RUFY2: variants seen among roughly 807,000 people sequenced by gnomAD.
RUFY2 encodes RUN and FYVE domain-containing protein 2.
A neutral mutation model predicts 94.4 loss-of-function variants in RUFY2; 49 were observed. The observed-to-expected ratio is 0.52, with a 90% confidence interval of 0.41 to 0.66. The LOEUF (loss-of-function observed/expected upper bound fraction) is 0.66. Ranked by LOEUF, RUFY2 falls within the 30% of genes least tolerant of loss-of-function variation. The pLI is 0.00. For synonymous variants in RUFY2, 255 were observed against 235.7 expected (o/e 1.08, Z -0.75); for missense variants, 541 against 692.8 (o/e 0.78, Z 2.46).
At chr10:68,370,452 T>TC (rs1368579318) in intron 13 of RUFY2, among the ~76,000 whole-genome samples, 2 of 143,642 alleles carry the variant, frequency 1.4e-5, no homozygotes, top group South Asian at 2.2e-4. Flanking sequence ...TTTTTTCTTT[T>TC]TTTTTTTTTT....
In RUFY2 at chr10:68,352,915, A is replaced by G. The variant is rs2046786970; in HGVS notation, c.1599+2438T>C. On this transcript the variant is annotated intron_variant, in intron 16 of 17. Transcript: ENST00000602465. ...AGCCTGGGCAACAGAGGGAGACTCCATCTCAAAAAAAAAAGAGGGGGCAAT... is the reference window on the plus strand; with the variant it reads ...AGCCTGGGCAACAGAGGGAGACTCCGTCTCAAAAAAAAAAGAGGGGGCAAT... 3.3e-5 allele frequency among the ~76,000 whole-genome samples: 5 copies of G among 151,028 alleles called. No homozygotes were observed. In the South Asian group the frequency reaches 6.3e-4, roughly 19 times the overall value.
At chr10:68,407,163 C>T in intron 1 of RUFY2, 23 bp downstream of exon 1, 1 of 1,461,646 alleles carries the variant, frequency 6.8e-7, no homozygotes. Flanking sequence ...GCCTAGCGTT[C>T]GGTTTCGGCC....
intron 15 of RUFY2, among the ~76,000 whole-genome samples, chr10:68,360,426 GTCTC>G (rs776338663): frequency 1.3e-3 from 195 of 151,776 alleles, no homozygotes; most frequent in Non-Finnish European, 6.2e-4. Flanking sequence ...GTGAGACTCT[GTCTC>G]TATTTAATTT....
At chr10:68,404,646 T>C (rs1453858379) in intron 2 of RUFY2, 25 bp downstream of exon 2, 1 of 1,476,086 alleles carries the variant, frequency 6.8e-7, no homozygotes, top group Admixed American at 2.4e-5. Flanking sequence ...CTAAAATGAA[T>C]TAATTTTTTA....
chr10:68,379,178 GAAACTGCT>G (rs76198388), intron 12 of RUFY2: 43,786 of 378,030 alleles, frequency 0.12, 2,946 homozygotes, highest in South Asian at 0.25. Context: ...TGAACGACAT[GAAACTGCT>G]GATATTAGGC....
intron 2 of RUFY2, among the ~76,000 whole-genome samples, chr10:68,404,336 C>T (rs1381908464): frequency 2.6e-5 from 4 of 151,876 alleles, no homozygotes; most frequent in Admixed American, 6.6e-5. Context: ...CAACAGGGTT[C>T]GAACTATTAA....
intron 8 of RUFY2, among the ~76,000 whole-genome samples, chr10:68,384,487 TAG>T (rs2049331965): frequency 6.6e-6 from 1 of 152,108 alleles, no homozygotes; most frequent in Admixed American, 6.6e-5. Flanking sequence ...AGTAAACAAA[TAG>T]AGAAATATGC....
At chr10:68,341,972 C>G, downstream of RUFY2, 1 of 1,613,498 alleles carries the variant, frequency 6.2e-7, no homozygotes, top group Non-Finnish European at 8.5e-7. Flanking sequence ...ATATCTTTTT[C>G]TTAAGGCCGT....
intron 7 of RUFY2, among the ~76,000 whole-genome samples, chr10:68,387,615 C>T (rs1419884232): frequency 6.6e-6 from 1 of 152,134 alleles, no homozygotes; most frequent in Admixed American, 6.6e-5. Context: ...ACAAATAGCA[C>T]CAGGATGTCC....
At chr10:68,341,933 T>C, downstream of RUFY2, 3 of 1,600,568 alleles carry the variant, frequency 1.9e-6, no homozygotes, top group Non-Finnish European at 2.6e-6. Context: ...TATTATTTTA[T>C]GCAGATATCT....
chr10:68,359,946 C>T (rs2047344957), intron 15 of RUFY2, among the ~76,000 whole-genome samples: 1 of 152,062 alleles, frequency 6.6e-6, no homozygotes, highest in Admixed American at 6.5e-5. Flanking sequence ...CTGTCTCAGC[C>T]TCCGAAGTAG....
At chr10:68,387,762 T>C (rs1040080138) in intron 7 of RUFY2, among the ~76,000 whole-genome samples, 14 of 152,162 alleles carry the variant, frequency 9.2e-5, no homozygotes, top group Non-Finnish European at 1.9e-4. Context: ...CCCAGCACTT[T>C]GGGAGGCCGA....
intron 16 of RUFY2, among the ~76,000 whole-genome samples, chr10:68,353,851 T>C (rs983538866): frequency 2.0e-5 from 3 of 151,370 alleles, no homozygotes; most frequent in African/African-American, 7.3e-5. Context: ...ATAAAGTAAA[T>C]GAATGCCACA....
chr10:68,394,258 G>C, intron 5 of RUFY2, 70 bp downstream of exon 5: 1 of 1,605,388 alleles, frequency 6.2e-7, no homozygotes, highest in Non-Finnish European at 8.5e-7. Flanking sequence ...AACTTCAAAT[G>C]ACACCTGATC....
At chr10:68,406,213 T>G (rs1235335841) in intron 1 of RUFY2, among the ~76,000 whole-genome samples, 1 of 151,998 alleles carries the variant, frequency 6.6e-6, no homozygotes, top group African/African-American at 2.4e-5. Context: ...GATCTAGTAT[T>G]CCAGCTCCGA....
At chr10:68,367,338 C>T (rs2047919988) in intron 13 of RUFY2, among the ~76,000 whole-genome samples, 1 of 152,200 alleles carries the variant, frequency 6.6e-6, no homozygotes, top group African/African-American at 2.4e-5. Context: ...TTTGGCAAGG[C>T]ACAGAGTCTT....
chr10:68,406,998 G>A (rs1292952946), intron 1 of RUFY2, 188 bp downstream of exon 1: 13 of 1,506,552 alleles, frequency 8.6e-6, no homozygotes, highest in Non-Finnish European at 1.2e-5. Flanking sequence ...GAACAAGGGA[G>A]GGGGCGCGTT....
intron 13 of RUFY2, among the ~76,000 whole-genome samples, chr10:68,373,965 G>A (rs372719194): frequency 4.6e-5 from 7 of 151,420 alleles, no homozygotes; most frequent in African/African-American, 1.7e-4. Flanking sequence ...AGAAAAATAA[G>A]TTAGCTGGGT....
In RUFY2 at chr10:68,389,892, A is replaced by G. The variant is rs186047406; in HGVS notation, c.650+3246T>C. On this transcript the variant is annotated intron_variant, in intron 7 of 17. Coordinates refer to ENST00000602465, the MANE Select transcript of RUFY2 (RefSeq NM_001330103.2). ...AGGGAAGAGATATGAGAATAGATAT[A>G]CATATTATTGCTATGAGCATAAAGT... 6.8e-3 allele frequency among the ~76,000 whole-genome samples: 1,043 copies of G among 152,322 alleles called. 6 individuals carry two copies. Among genetic ancestry groups the G allele is most frequent in the Non-Finnish European group, 0.01 (688 of 68,022 alleles).
Sources: allele counts gnomAD v4.1 joint callset (sites outside exome capture counted in the v4.1 genomes callset), GRCh38; gene constraint gnomAD v4.1.1; transcripts MANE v1.5; gene names NCBI Gene and HGNC (gene_info 2026-07-23, HGNC 2026-07-21).